SNX5: variants seen among roughly 807,000 people sequenced by gnomAD.
SNX5 encodes sorting nexin-5.
SNX5 carries 31 observed loss-of-function variants against 53.9 expected under a neutral mutation model. The ratio of observed to expected loss-of-function variants is 0.58; its 90% CI spans 0.43 to 0.78. SNX5 has a LOEUF of 0.78. SNX5 is among the 30% of genes least tolerant of loss of function. SNX5 has a pLI of 0.00. For synonymous variants in SNX5, 168 were observed against 171.1 expected (o/e 0.98, Z 0.14); for missense variants, 471 against 478.8 (o/e 0.98, Z 0.15).
chr20:17,965,456 A>G (rs963432297), intron 1 of SNX5, among the ~76,000 whole-genome samples: 1 of 152,220 alleles, frequency 6.6e-6, no homozygotes, highest in Non-Finnish European at 1.5e-5. Flanking sequence ...ACAATGGCTC[A>G]TGCCTGTAAT....
chr20:17,944,207 G>A (rs1016614895), intron 11 of SNX5: 8 of 152,158 alleles, frequency 5.3e-5, no homozygotes, highest in African/African-American at 9.7e-5. Context: ...GGGAAGGTGG[G>A]AAAGAGAATG....
chr20:17,965,748 G>T lies in SNX5; in HGVS notation c.51+2627C>A, dbSNP rs904624442. Among the ~76,000 whole-genome samples the T allele has an allele frequency of 2.0e-5, 3 of 151,222 alleles. No individual in the cohort carries two copies. The East Asian group carries it at 5.8e-4, about 29-fold the overall frequency. On this transcript the variant is annotated intron_variant, in intron 1 of 12. Transcript: ENST00000377759. ...TGTGAACAGATAATGACCTTTTAGAGTATTCACAAATGGGGATCTTAAGAC... is the reference window on the plus strand; with the variant it reads ...TGTGAACAGATAATGACCTTTTAGATTATTCACAAATGGGGATCTTAAGAC...
intron 1 of SNX5, among the ~76,000 whole-genome samples, chr20:17,967,365 A>C (rs959921812): frequency 6.6e-6 from 1 of 152,056 alleles, no homozygotes; most frequent in Non-Finnish European, 1.5e-5. Context: ...CACTCTAAAC[A>C]ACACCCTCCT....
chr20:17,965,281 G>A (rs1036338843), intron 1 of SNX5, among the ~76,000 whole-genome samples: 2 of 152,150 alleles, frequency 1.3e-5, no homozygotes, highest in Non-Finnish European at 2.9e-5. Flanking sequence ...AACCCAGAGG[G>A]CACTCCTCAA....
Position 17,950,053 on chromosome 20 carries a change from C to T in SNX5, c.791+79G>A, listed in dbSNP as rs183713644. 102 of 1,217,804 alleles carry T rather than the reference C, an allele frequency of 8.4e-5. 1 individual carries two copies. Among genetic ancestry groups the T allele is most frequent in the Non-Finnish European group, 1.1e-4 (94 of 827,142 alleles). The allele number at this position is 1,217,804 out of a possible 1,614,324, so 75.4% of individuals were successfully genotyped here. A position where few individuals can be genotyped will look rare whatever the true frequency, so the allele number is the denominator to read the frequency against. The stretch of plus-strand genomic sequence containing the variant: ...ACTCCAGAGCAGGACCATGTAGTCA[C>T]TACTCATTTATGCTTTTAATTACAC... On this transcript the variant is annotated intron_variant, in intron 8 of 12. Coordinates refer to ENST00000377759, the MANE Select transcript of SNX5 (RefSeq NM_014426.4).
At position 17,951,593 on chromosome 20, in the gene SNX5, T is replaced by A; in HGVS notation, c.516A>T (p.Leu172=). 6.2e-7 allele frequency: 1 copy of A among 1,603,360 alleles called. No homozygotes were observed. The highest frequency in any genetic ancestry group is 1.1e-5 in the South Asian group (1 of 90,740). Residue 172 remains leucine (L), a splice_region_variant and synonymous_variant, in exon 6 of 13, where the codon CTA becomes CTT. Transcript: ENST00000377759. ...CTTTAGTATTTTTCCGCCTAACACT[T>A]AGCTAAAAGAAGAAAATTCCAAAGA... ...FHVFLEYDQD[L]SVRRKNTKEM... is the part of the protein sequence containing the mutation.
intron 8 of SNX5, 77 bp downstream of exon 8, chr20:17,950,055 A>C: frequency 8.2e-7 from 1 of 1,218,058 alleles, no homozygotes; most frequent in African/African-American, 1.5e-5. Flanking sequence ...TGTAGTCACT[A>C]CTCATTTATG....
intron 1 of SNX5, among the ~76,000 whole-genome samples, chr20:17,962,374 T>G (rs1048018279): frequency 6.6e-6 from 1 of 151,676 alleles, no homozygotes; most frequent in African/African-American, 2.4e-5. Context: ...CCAGCTAATT[T>G]TTGTATTTTT....
intron 11 of SNX5, among the ~76,000 whole-genome samples, chr20:17,945,708 T>C (rs2039479674): frequency 6.6e-6 from 1 of 152,148 alleles, no homozygotes; most frequent in Non-Finnish European, 1.5e-5. Flanking sequence ...AGAGCCTGTC[T>C]ACATGACATT....
At chr20:17,963,451 C>T (rs7261420) in intron 1 of SNX5, among the ~76,000 whole-genome samples, 41,415 of 152,002 alleles carry the variant, frequency 0.27, 5,985 homozygotes, top group East Asian at 0.44. Context: ...GGGAGCAGGC[C>T]GAGACCCTGA....
At position 17,956,966 on chromosome 20, in the gene SNX5, C is replaced by G. The variant is rs376524578; in HGVS notation, c.123G>C (p.Glu41Asp). The stretch of plus-strand genomic sequence containing the variant: ...GCACTGTAAATTTGACTTTGTCTCT[C>G]TCACTGAGCGCATCAGGTATGTCAA... ...LQIDIPDALS[E>D]RDKVKFTVHT... The change falls in exon 2 of 13, where the codon GAG becomes GAC. Residue 41 changes from glutamate (E) to aspartate (D), a missense_variant. Coordinates refer to ENST00000377759, the MANE Select transcript of SNX5 (RefSeq NM_014426.4). 12 of 1,606,428 alleles carry G rather than the reference C, an allele frequency of 7.5e-6. No individual in the cohort carries two copies. The African/African-American group carries it at 1.6e-4, about 21-fold the overall frequency.
In SNX5 at chr20:17,958,122, G is replaced by C. The variant is rs367648611; in HGVS notation, c.52-1085C>G. Among the ~76,000 whole-genome samples the C allele has an allele frequency of 2.6e-4, 39 of 152,152 alleles. 1 individual carries two copies. Among genetic ancestry groups the C allele is most frequent in the African/African-American group, 9.4e-4 (39 of 41,498 alleles). On this transcript the variant is annotated intron_variant, in intron 1 of 12. Coordinates refer to ENST00000377759, the MANE Select transcript of SNX5 (RefSeq NM_014426.4). Reference sequence around the variant, plus strand: ...AAGCAGACAAGGTGGTGGTCAATCTGAAAACCTGACACACAAGGCACGAGG... The same window carrying C: ...AAGCAGACAAGGTGGTGGTCAATCTCAAAACCTGACACACAAGGCACGAGG...
chr20:17,953,021 A>G (rs923742238), intron 4 of SNX5, among the ~76,000 whole-genome samples: 3 of 152,256 alleles, frequency 2.0e-5, no homozygotes, highest in African/African-American at 7.2e-5. Flanking sequence ...TAAAGCAATG[A>G]GAACCCTTTA....
In SNX5 at chr20:17,968,411, G is replaced by C; in HGVS notation, c.15C>G (p.Pro5=). The C allele has an allele frequency of 1.6e-6, 2 of 1,288,866 alleles. No homozygotes were observed. The highest frequency in any genetic ancestry group is 2.0e-6 in the Non-Finnish European group (2 of 1,014,926). The allele number at this position is 1,288,866 out of a possible 1,614,324, so 79.8% of individuals were successfully genotyped here. Residue 5 remains proline (P), a synonymous_variant, in exon 1 of 13, where the codon CCC becomes CCG. Transcript: ENST00000377759. The part of the protein sequence containing the change: MAAV[P]ELLQQQEEDR... The stretch of plus-strand genomic sequence containing the variant: ...CCTCCTCCTGCTGCTGCAGCAACTC[G>C]GGAACCGCGGCCATGGCGACGCGGG...
At chr20:17,955,556 A>C in intron 2 of SNX5, 81 bp from the exon 3 acceptor site, 1 of 839,588 alleles carries the variant, frequency 1.2e-6, no homozygotes, top group East Asian at 2.5e-5. Flanking sequence ...ACAGTGGGAA[A>C]ATTCTGCATA....
chr20:17,956,026 C>CT (rs1414115762), intron 2 of SNX5, among the ~76,000 whole-genome samples: 3 of 152,202 alleles, frequency 2.0e-5, no homozygotes, highest in Non-Finnish European at 2.9e-5. Context: ...ATCTGCCCAT[C>CT]TTGTCCTCCC....
At position 17,942,163 on chromosome 20, in the gene SNX5, T is replaced by A; in HGVS notation, c.*194A>T. 1.8e-6 allele frequency: 1 copy of A among 567,444 alleles called. No individual in the cohort carries two copies. Among genetic ancestry groups the A allele is most frequent in the Non-Finnish European group, 3.1e-6 (1 of 317,872 alleles). 35.2% of individuals were successfully genotyped at this position (567,444 alleles called of 1,614,324 possible). A position where few individuals can be genotyped will look rare whatever the true frequency, so the allele number is the denominator to read the frequency against. On this transcript the variant is annotated 3_prime_UTR_variant, in exon 13 of 13. Transcript: ENST00000377759. ...TATTAAATGCACAAGGAAAAATTAG[T>A]TATGTCCAAGTAGCAAGCAATAATA...
intron 10 of SNX5, among the ~76,000 whole-genome samples, chr20:17,948,096 TAA>T (rs1568588822): frequency 1.3e-5 from 2 of 152,220 alleles, no homozygotes; most frequent in African/African-American, 4.8e-5. Flanking sequence ...TAGTCAGATA[TAA>T]AGATTCTTTG....
chr20:17,960,752 G>A (rs2035433605), intron 1 of SNX5, among the ~76,000 whole-genome samples: 1 of 150,126 alleles, frequency 6.7e-6, no homozygotes, highest in Non-Finnish European at 1.5e-5. Context: ...ACTTCAGCCT[G>A]GGCAACAGAG....
Sources: allele counts gnomAD v4.1 joint callset (sites outside exome capture counted in the v4.1 genomes callset), GRCh38; gene constraint gnomAD v4.1.1; transcripts MANE v1.5; gene names NCBI Gene and HGNC (gene_info 2026-07-23, HGNC 2026-07-21).